CXCL13: variants seen among roughly 807,000 people sequenced by gnomAD.
CXCL13 encodes C-X-C motif chemokine ligand 13.
A neutral mutation model predicts 12.2 loss-of-function variants in CXCL13; 7 were observed. That is an observed-to-expected ratio of 0.57 (90% CI 0.33 to 1.07). The LOEUF is 1.07. Among genes scored for constraint, CXCL13 ranks in the 50% least tolerant of loss-of-function variants. The pLI is 0.04. For missense variants in CXCL13, 113 were observed against 127.4 expected (o/e 0.89, Z 0.55); for synonymous variants, 47 against 42.4 (o/e 1.11, Z -0.42).
At chr4:77,590,962 G>C (rs1047014345) in intron 1 of CXCL13, among the ~76,000 whole-genome samples, 1 of 152,058 alleles carries the variant, frequency 6.6e-6, no homozygotes, top group African/African-American at 2.4e-5. Context: ...TCACTGCAAG[G>C]TCTGCCTCCT....
chr4:77,600,050 A>G (rs1415541074), intron 1 of CXCL13, among the ~76,000 whole-genome samples: 1 of 152,050 alleles, frequency 6.6e-6, no homozygotes, highest in Non-Finnish European at 1.5e-5. Flanking sequence ...GAATGATGAT[A>G]CCATTTACTA....
intron 1 of CXCL13, among the ~76,000 whole-genome samples, chr4:77,518,920 G>T (rs1724500684): frequency 3.3e-5 from 5 of 152,130 alleles, no homozygotes; most frequent in Admixed American, 3.3e-4. Context: ...CATCTTTGTG[G>T]TTTTATCTAG....
chr4:77,567,601 A>C (rs180688180), intron 1 of CXCL13, among the ~76,000 whole-genome samples: 2 of 152,172 alleles, frequency 1.3e-5, no homozygotes, highest in Non-Finnish European at 2.9e-5. Flanking sequence ...CCCTCTGATA[A>C]AACAAGATGC....
chr4:77,544,068 A>T (rs948040680), intron 1 of CXCL13, among the ~76,000 whole-genome samples: 3 of 152,140 alleles, frequency 2.0e-5, no homozygotes, highest in Non-Finnish European at 2.9e-5. Flanking sequence ...CCTACAAAGG[A>T]CATGAACTCA....
chr4:77,585,470 G>C (rs1234862167), intron 1 of CXCL13, among the ~76,000 whole-genome samples: 1 of 152,200 alleles, frequency 6.6e-6, no homozygotes, highest in African/African-American at 2.4e-5. Flanking sequence ...GCCACATCGT[G>C]TGAGTCTTTC....
chr4:77,544,094 G>A (rs1367642343), intron 1 of CXCL13, among the ~76,000 whole-genome samples: 2 of 152,138 alleles, frequency 1.3e-5, no homozygotes, highest in Admixed American at 6.5e-5. Flanking sequence ...TTTTATGGCT[G>A]CATAGTATTC....
At chr4:77,526,961 G>A (rs1724782338) in intron 1 of CXCL13, among the ~76,000 whole-genome samples, 1 of 152,184 alleles carries the variant, frequency 6.6e-6, no homozygotes, top group Middle Eastern at 3.2e-3. Flanking sequence ...AGCGGGGCTG[G>A]AACATGGTAG....
chr4:77,561,507 A>G (rs891703474), intron 1 of CXCL13, among the ~76,000 whole-genome samples: 3 of 152,256 alleles, frequency 2.0e-5, no homozygotes, highest in Non-Finnish European at 4.4e-5. Flanking sequence ...CCTGATACTT[A>G]GAGGCTAACT....
intron 1 of CXCL13, among the ~76,000 whole-genome samples, chr4:77,531,893 G>T (rs376378253): frequency 6.6e-6 from 1 of 152,066 alleles, no homozygotes; most frequent in African/African-American, 2.4e-5. Flanking sequence ...TTTTCCATTT[G>T]CTTGGTAGAT....
chr4:77,549,008 A>G (rs1360494537), intron 1 of CXCL13, among the ~76,000 whole-genome samples: 1 of 152,146 alleles, frequency 6.6e-6, no homozygotes, highest in Admixed American at 6.5e-5. Context: ...ACATAGTCCC[A>G]TATTTCTTGG....
intron 1 of CXCL13, among the ~76,000 whole-genome samples, chr4:77,554,605 A>C (rs1003125164): frequency 2.6e-5 from 4 of 152,168 alleles, no homozygotes; most frequent in Non-Finnish European, 5.9e-5. Context: ...ATATTTACAG[A>C]ACAACATTTC....
intron 1 of CXCL13, among the ~76,000 whole-genome samples, chr4:77,523,971 A>G (rs1167312417): frequency 6.6e-6 from 1 of 152,158 alleles, no homozygotes; most frequent in Non-Finnish European, 1.5e-5. Context: ...CAGGTCCCTC[A>G]GCTGCAGATC....
At chr4:77,524,028 A>G (rs1349275821) in intron 1 of CXCL13, among the ~76,000 whole-genome samples, 2 of 151,980 alleles carry the variant, frequency 1.3e-5, no homozygotes, top group Non-Finnish European at 2.9e-5. Flanking sequence ...TTTCCTGGGT[A>G]TCTCCAGTGG....
intron 1 of CXCL13, among the ~76,000 whole-genome samples, chr4:77,595,200 G>A (rs62304088): frequency 9.4e-4 from 142 of 151,712 alleles, no homozygotes; most frequent in African/African-American, 3.3e-3. Context: ...ACGGGCAGCC[G>A]CTGTTTTTGA....
intron 1 of CXCL13, among the ~76,000 whole-genome samples, chr4:77,528,525 C>T (rs546169423): frequency 1.4e-3 from 217 of 152,284 alleles, no homozygotes; most frequent in African/African-American, 4.9e-3. Flanking sequence ...TCTCTGATGG[C>T]CACTGATGAT....
chr4:77,571,572 TA>T (rs375964116), intron 1 of CXCL13, among the ~76,000 whole-genome samples: 1 of 151,888 alleles, frequency 6.6e-6, no homozygotes, highest in African/African-American at 2.4e-5. Flanking sequence ...ACTGTGTATC[TA>T]ACTAATCTGA....
chr4:77,605,748 CT>C (rs1382010113), upstream of CXCL13: 4 of 497,064 alleles, frequency 8.0e-6, no homozygotes, highest in Admixed American at 3.5e-5. Flanking sequence ...TGCAGCTGAC[CT>C]ACTGGAGACA....
rs191320107 is a variant in CXCL13 at position 77,533,831 on chromosome 4, G to A, written c.-43+22043G>A. On this transcript the variant is annotated intron_variant, in intron 1 of 4. Transcript: ENST00000286758. Reference sequence around the variant, plus strand: ...GGCCCATGGGCATAGGACCCTCTGAGCCATGCACGGGATATAATCTCCTGG... The same window carrying A: ...GGCCCATGGGCATAGGACCCTCTGAACCATGCACGGGATATAATCTCCTGG... Among the ~76,000 whole-genome samples the A allele has an allele frequency of 5.4e-3, 816 of 152,322 alleles. 10 individuals are homozygous for A. The highest frequency in any genetic ancestry group is 0.018 in the African/African-American group (761 of 41,580).
intron 1 of CXCL13, among the ~76,000 whole-genome samples, chr4:77,514,760 T>C (rs1368195720): frequency 6.6e-6 from 1 of 152,216 alleles, no homozygotes; most frequent in Non-Finnish European, 1.5e-5. Flanking sequence ...GTGGGATGCC[T>C]GTTCACTCTG....
Sources: allele counts gnomAD v4.1 joint callset (sites outside exome capture counted in the v4.1 genomes callset), GRCh38; gene constraint gnomAD v4.1.1; transcripts MANE v1.5; gene names NCBI Gene and HGNC (gene_info 2026-07-23, HGNC 2026-07-21).